PRKN: variants seen among roughly 807,000 people sequenced by gnomAD.
The protein encoded by PRKN is parkin RBR E3 ubiquitin protein ligase.
A neutral mutation model predicts 59.5 loss-of-function variants in PRKN; 56 were observed. The observed-to-expected ratio is 0.94, with a 90% CI of 0.76 to 1.18. The LOEUF is 1.18. PRKN is among the 50% of genes most tolerant of loss of function. PRKN has a pLI of 0.00. For missense variants in PRKN, 657 were observed against 596.4 expected, an observed-to-expected ratio of 1.10 and a Z score of -1.06; for synonymous variants, 250 against 222.1, an observed-to-expected ratio of 1.13 and a Z score of -1.12.
At chr6:162,144,733 G>A (rs1781945803) in intron 4 of PRKN, among the ~76,000 whole-genome samples, 1 of 152,120 alleles carries the variant, frequency 6.6e-6, no homozygotes, top group South Asian at 2.1e-4. Context: ...TTTTTAGCTT[G>A]GCATGAGCAA....
intron 1 of PRKN, among the ~76,000 whole-genome samples, chr6:162,501,352 C>CTT (rs398038329): frequency 0.31 from 43,323 of 139,470 alleles, 7,029 homozygotes; most frequent in East Asian, 0.45. Context: ...CCCTTTTTTC[C>CTT]TTTTTTTTTT....
intron 2 of PRKN, among the ~76,000 whole-genome samples, chr6:162,284,224 T>C (rs1401185509): frequency 5.0e-5 from 7 of 140,698 alleles, no homozygotes; most frequent in South Asian, 2.4e-4. Context: ...TCTTTTTTTT[T>C]TTTTTTTTTT....
chr6:161,520,055 C>G (rs1041045262), intron 9 of PRKN, among the ~76,000 whole-genome samples: 1 of 152,216 alleles, frequency 6.6e-6, no homozygotes, highest in Non-Finnish European at 1.5e-5. Context: ...AACAGCCTCA[C>G]CAGTAGAGAT....
chr6:162,620,243 C>T (rs1342462441), intron 1 of PRKN, among the ~76,000 whole-genome samples: 1 of 152,054 alleles, frequency 6.6e-6, no homozygotes, highest in Non-Finnish European at 1.5e-5. Context: ...GTCTTGTTGA[C>T]TTATCAACCT....
rs533597276 is a variant in PRKN at position 161,701,056 on chromosome 6, G to A, written c.871+84716C>T. On this transcript the variant is annotated intron_variant, in intron 7 of 11. Coordinates refer to ENST00000366898, the MANE Select transcript of PRKN (RefSeq NM_004562.3). ...CCTTGAGATTTATTAGGAAAGTCTT[G>A]TGCCAGTCCATCATTCCTGTAAATA... Among the ~76,000 whole-genome samples, 17 of 152,296 alleles carry A rather than the reference G, an allele frequency of 1.1e-4. No individual in the cohort carries two copies. In the South Asian group the frequency reaches 3.5e-3, roughly 32 times the overall value.
At chr6:161,710,303 A>C (rs1261871576) in intron 7 of PRKN, among the ~76,000 whole-genome samples, 1 of 152,218 alleles carries the variant, frequency 6.6e-6, no homozygotes, top group Non-Finnish European at 1.5e-5. Context: ...ATGATGGTGT[A>C]ATGCTTTCAG....
chr6:162,301,267 T>TC (rs1781939172), intron 2 of PRKN, among the ~76,000 whole-genome samples: 1 of 152,062 alleles, frequency 6.6e-6, no homozygotes, highest in Admixed American at 6.6e-5. Context: ...AAGACCAGAT[T>TC]CCAGGCCATT....
chr6:161,774,119 C>A (rs1334165746), intron 7 of PRKN, among the ~76,000 whole-genome samples: 1 of 152,108 alleles, frequency 6.6e-6, no homozygotes, highest in Non-Finnish European at 1.5e-5. Context: ...AGAATGAGCT[C>A]TGCAACACCA....
intron 7 of PRKN, among the ~76,000 whole-genome samples, chr6:161,739,847 C>A (rs981508686): frequency 6.6e-6 from 1 of 152,062 alleles, no homozygotes; most frequent in African/African-American, 2.4e-5. Flanking sequence ...CTCCACCTCC[C>A]GGGTTCAAGC....
At chr6:161,633,739 C>A (rs770281693) in intron 7 of PRKN, among the ~76,000 whole-genome samples, 11 of 152,020 alleles carry the variant, frequency 7.2e-5, no homozygotes, top group Non-Finnish European at 1.3e-4. Flanking sequence ...CTGAAACTGT[C>A]ATAATTTAAT....
chr6:162,621,017 A>G (rs1428882426), intron 1 of PRKN, among the ~76,000 whole-genome samples: 3 of 152,198 alleles, frequency 2.0e-5, no homozygotes, highest in Non-Finnish European at 4.4e-5. Context: ...CCTGGTTTTC[A>G]TTCCTTTGCA....
rs9456702 is a variant in PRKN at position 161,717,408 on chromosome 6, A to C, written c.871+68364T>G. Among the ~76,000 whole-genome samples the C allele has an allele frequency of 8.6e-3, 1,314 of 152,218 alleles. 25 individuals carry two copies. Among genetic ancestry groups the C allele is most frequent in the African/African-American group, 0.03 (1,253 of 41,540 alleles). On this transcript the variant is annotated intron_variant, in intron 7 of 11. Coordinates refer to ENST00000366898, the MANE Select transcript of PRKN (RefSeq NM_004562.3). Reference sequence around the variant, plus strand: ...CCATAGCACAGGATAACTTTACACCATAATAAGTGCTGTGAAGACACTAGA... The same window carrying C: ...CCATAGCACAGGATAACTTTACACCCTAATAAGTGCTGTGAAGACACTAGA...
rs75861900 is a variant in PRKN, at chr6:161,901,880, G to A, written c.734+71422C>T. ...CCTCTGACCCTGCTGCTGCAGCTGC[G>A]AGTGCTTCAGCTTGGGCTGCGAGGT... is the stretch of plus-strand genomic sequence containing the variant. On this transcript the variant is annotated intron_variant, in intron 6 of 11. Transcript: ENST00000366898. Among the ~76,000 whole-genome samples the A allele has an allele frequency of 9.9e-3, 1,513 of 152,250 alleles. 12 individuals are homozygous for A. The highest frequency in any genetic ancestry group is 0.024 in the Middle Eastern group (7 of 294).
At chr6:161,867,762 T>TTTATTTA (rs1554236205) in intron 6 of PRKN, among the ~76,000 whole-genome samples, 1 of 150,684 alleles carries the variant, frequency 6.6e-6, no homozygotes, top group African/African-American at 2.4e-5. Flanking sequence ...TATTTATTTA[T>TTTATTTA]TTATTTATTT....
chr6:162,390,396 TACACACACAC>T (rs1554312764), intron 2 of PRKN, among the ~76,000 whole-genome samples: 102 of 84,122 alleles, frequency 1.2e-3, no homozygotes, highest in East Asian at 6.1e-3. Flanking sequence ...TATATATATA[TACACACACAC>T]ACACACACAC....
intron 7 of PRKN, among the ~76,000 whole-genome samples, chr6:161,753,732 C>T (rs537363817): frequency 8.9e-4 from 136 of 152,234 alleles, no homozygotes; most frequent in African/African-American, 3.2e-3. Flanking sequence ...GGAGCAAGGC[C>T]AATTCTCTCC....
chr6:162,218,240 T>A (rs1162715125), intron 3 of PRKN, among the ~76,000 whole-genome samples: 1 of 152,146 alleles, frequency 6.6e-6, no homozygotes, highest in Non-Finnish European at 1.5e-5. Flanking sequence ...GGAAGGACAC[T>A]GGGCAGCAGG....
At chr6:161,774,619 A>C (rs1369796461) in intron 7 of PRKN, among the ~76,000 whole-genome samples, 1 of 152,194 alleles carries the variant, frequency 6.6e-6, no homozygotes, top group Non-Finnish European at 1.5e-5. Context: ...TGTGGGTGAC[A>C]GAACCAGAAG....
chr6:162,289,593 A>G (rs1383847809), intron 2 of PRKN, among the ~76,000 whole-genome samples: 1 of 151,792 alleles, frequency 6.6e-6, no homozygotes, highest in African/African-American at 2.4e-5. Context: ...GCTACTTAGG[A>G]GGCTGAGGCA....
Sources: gnomAD v4.1 joint callset for allele counts (sites outside exome capture counted in the v4.1 genomes callset) on GRCh38, gnomAD v4.1.1 for gene constraint, MANE v1.5 for transcripts, NCBI Gene and HGNC (gene_info 2026-07-23, HGNC 2026-07-21) for gene names.